The following SEL1L2 variants were observed in gnomAD, a reference collection of about 807,000 sequenced individuals.
The protein encoded by SEL1L2 is protein sel-1 homolog 2.
SEL1L2 carries 89 observed loss-of-function variants against 98.8 expected under a neutral mutation model. That is an observed-to-expected ratio of 0.90 (90% CI 0.76 to 1.07). The LOEUF (loss-of-function observed/expected upper bound fraction) is 1.07, where lower values mean the gene tolerates loss of function less well. Among genes scored for constraint, SEL1L2 ranks in the 50% least tolerant of loss-of-function variants. The pLI, the probability that SEL1L2 is intolerant of heterozygous loss-of-function variation, is 0.00. For synonymous variants in SEL1L2, 262 were observed against 278.5 expected (o/e 0.94, Z 0.59); for missense variants, 788 against 812.0 (o/e 0.97, Z 0.36).
At chr20:13,945,788 T>G (rs2049980878) in intron 2 of SEL1L2, among the ~76,000 whole-genome samples, 1 of 151,988 alleles carries the variant, frequency 6.6e-6, no homozygotes, top group South Asian at 2.1e-4. Flanking sequence ...GTTCAACACA[T>G]GGAAATTATG....
chr20:13,903,672 G>A (rs1451070458), intron 5 of SEL1L2, among the ~76,000 whole-genome samples: 3 of 152,054 alleles, frequency 2.0e-5, no homozygotes, highest in Admixed American at 2.0e-4. Flanking sequence ...AATTAGGCAG[G>A]CATGGTGGTG....
chr20:13,938,091 T>C (rs959699876), intron 2 of SEL1L2, among the ~76,000 whole-genome samples: 1 of 151,560 alleles, frequency 6.6e-6, no homozygotes, highest in African/African-American at 2.4e-5. Flanking sequence ...TTCTTTTTTT[T>C]TTTTTTTGAG....
intron 1 of SEL1L2, among the ~76,000 whole-genome samples, chr20:13,982,729 C>A (rs371746830): frequency 2.2e-4 from 33 of 151,404 alleles, no homozygotes; most frequent in Middle Eastern, 3.4e-3. Context: ...TTTTACACTA[C>A]CTTAAAGCAG....
intron 1 of SEL1L2, among the ~76,000 whole-genome samples, chr20:13,958,254 T>A (rs2050629895): frequency 6.6e-6 from 1 of 152,206 alleles, no homozygotes; most frequent in Non-Finnish European, 1.5e-5. Context: ...GTGTTAGGTA[T>A]ATAAAATTAT....
intron 2 of SEL1L2, among the ~76,000 whole-genome samples, chr20:13,950,139 AAGT>A (rs1350005981): frequency 6.6e-6 from 1 of 152,186 alleles, no homozygotes; most frequent in African/African-American, 2.4e-5. Flanking sequence ...GGGAGACAGA[AAGT>A]AGAATGTTGA....
At chr20:13,872,129 T>C (rs1422447458) in intron 12 of SEL1L2, among the ~76,000 whole-genome samples, 1 of 152,196 alleles carries the variant, frequency 6.6e-6, no homozygotes. Flanking sequence ...TTCCCTCTTC[T>C]CTCCTGGCTA....
chr20:13,880,997 TA>T (rs1333986608), intron 10 of SEL1L2, among the ~76,000 whole-genome samples: 1 of 152,206 alleles, frequency 6.6e-6, no homozygotes, highest in African/African-American at 2.4e-5. Flanking sequence ...TGTACTGTTC[TA>T]AAAACATTTA....
rs143029580 is a variant in SEL1L2 at position 13,849,479 on chromosome 20, C to T, written c.*6G>A. ...CCCGTGAGCAGGTTTTCCTGTGATC[C>T]GCATCCTACCCATGGTGATTTCTAA... On this transcript the variant is annotated 3_prime_UTR_variant, in exon 20 of 20. Coordinates refer to ENST00000284951, the MANE Select transcript of SEL1L2 (RefSeq NM_025229.2). 4.4e-4 allele frequency: 706 copies of T among 1,613,460 alleles called. No individual in the cohort carries two copies. The highest frequency in any genetic ancestry group is 1.8e-3 in the African/African-American group (133 of 74,994).
rs895071166 is a variant in SEL1L2 at position 13,877,538 on chromosome 20, G to A, written c.1008C>T (p.Ala336=). The A allele has an allele frequency of 6.2e-7, 1 of 1,612,384 alleles. No homozygotes were observed. Among genetic ancestry groups the A allele is most frequent in the African/African-American group, 1.3e-5 (1 of 74,988 alleles). Residue 336 remains alanine (A), a synonymous_variant, in exon 11 of 20, where the codon GCC becomes GCT. Coordinates refer to ENST00000284951, the MANE Select transcript of SEL1L2 (RefSeq NM_025229.2). ...CATGTACCTTTCCTATAAATGCCAT[G>A]GCATTTGCACTCCCGGCCTTTGCTG... is the stretch of plus-strand genomic sequence containing the variant. ...LKAAKAGSAN[A]MAFIGKMYLE... is the part of the protein sequence containing the mutation.
chr20:13,851,635 G>A (rs981629475), intron 18 of SEL1L2, among the ~76,000 whole-genome samples: 2 of 151,680 alleles, frequency 1.3e-5, no homozygotes, highest in Non-Finnish European at 2.9e-5. Flanking sequence ...TGCCCAAACA[G>A]AGTGACCGTA....
At chr20:13,946,165 A>T (rs1441071099) in intron 2 of SEL1L2, among the ~76,000 whole-genome samples, 2 of 152,206 alleles carry the variant, frequency 1.3e-5, no homozygotes, top group Non-Finnish European at 2.9e-5. Context: ...AAGTTATAAA[A>T]AAAAAGTTAT....
chr20:13,942,455 C>T (rs1338799177), intron 2 of SEL1L2, among the ~76,000 whole-genome samples: 1 of 152,134 alleles, frequency 6.6e-6, no homozygotes, highest in Non-Finnish European at 1.5e-5. Context: ...AAATTATCTG[C>T]TCCACCTGAG....
At chr20:13,902,732 CT>C (rs2047738348) in intron 5 of SEL1L2, among the ~76,000 whole-genome samples, 1 of 152,000 alleles carries the variant, frequency 6.6e-6, no homozygotes, top group Non-Finnish European at 1.5e-5. Flanking sequence ...CTGGTTTTTT[CT>C]TTAAAAACAA....
At chr20:13,861,344 C>T (rs951291226) in intron 17 of SEL1L2, among the ~76,000 whole-genome samples, 4 of 151,794 alleles carry the variant, frequency 2.6e-5, no homozygotes, top group African/African-American at 9.7e-5. Context: ...CCCGTATTCA[C>T]CATATTGCTC....
Position 13,948,234 on chromosome 20 carries a change from CT to C in SEL1L2, c.114+7841del, listed in dbSNP as rs36040998. Among the ~76,000 whole-genome samples, 66 of 149,128 alleles carry C rather than the reference CT, an allele frequency of 4.4e-4. 1 individual carries two copies. The highest frequency in any genetic ancestry group is 3.4e-3 in the Middle Eastern group (1 of 290). ...GCAATCCCTATAAAAATCCCAATGG[CT>C]TTTTTTTTTCAGAAATAGAGATATT... On this transcript the variant is annotated intron_variant, in intron 2 of 19. Coordinates refer to ENST00000284951, the MANE Select transcript of SEL1L2 (RefSeq NM_025229.2).
chr20:13,894,292 G>T (rs949718071), intron 5 of SEL1L2, among the ~76,000 whole-genome samples: 19 of 152,190 alleles, frequency 1.2e-4, no homozygotes, highest in Non-Finnish European at 2.5e-4. Context: ...AGGTGCAGTG[G>T]CTCATGCCTG....
At chr20:13,980,779 T>C (rs111661572) in intron 1 of SEL1L2, among the ~76,000 whole-genome samples, 131 of 152,296 alleles carry the variant, frequency 8.6e-4, no homozygotes, top group African/African-American at 2.8e-3. Flanking sequence ...ATGTTGTATA[T>C]ATATACAATG....
At chr20:13,865,562 C>T (rs1990868790) in intron 15 of SEL1L2, 48 bp from the exon 16 acceptor site, 1 of 1,492,054 alleles carries the variant, frequency 6.7e-7, no homozygotes, top group Non-Finnish European at 9.2e-7. Context: ...CAGTATGCTT[C>T]ACCCCAGGCA....
At chr20:13,953,174 C>T (rs574056960) in intron 2 of SEL1L2, among the ~76,000 whole-genome samples, 9 of 152,194 alleles carry the variant, frequency 5.9e-5, no homozygotes, top group South Asian at 4.2e-4. Flanking sequence ...TTTTTACAGT[C>T]GGGCTTTTGG....
Sources: allele counts gnomAD v4.1 joint callset (sites outside exome capture counted in the v4.1 genomes callset), GRCh38; gene constraint gnomAD v4.1.1; transcripts MANE v1.5; gene names NCBI Gene and HGNC (gene_info 2026-07-23, HGNC 2026-07-21).